GALNT10: variants seen among roughly 807,000 people sequenced by gnomAD.
GALNT10 encodes the protein GalNAc transferase 10.
GALNT10 carries 41 observed loss-of-function variants against 75.0 expected under a neutral mutation model. The ratio of observed to expected loss-of-function variants is 0.55; its 90% confidence interval spans 0.43 to 0.71. The LOEUF (loss-of-function observed/expected upper bound fraction) is 0.71, where lower values mean the gene tolerates loss of function less well. Among genes scored for constraint, GALNT10 ranks in the 30% least tolerant of loss-of-function variants. The probability of loss-of-function intolerance (pLI) is 0.00; values close to 1 mark genes in which losing one functional copy is unlikely to be tolerated. For synonymous variants in GALNT10, 302 were observed against 313.0 expected (o/e 0.96, Z 0.37); for missense variants, 727 against 818.5 (o/e 0.89, Z 1.36).
At chr5:154,380,971 T>C (rs1405103405) in intron 6 of GALNT10, among the ~76,000 whole-genome samples, 3 of 152,172 alleles carry the variant, frequency 2.0e-5, no homozygotes, top group African/African-American at 7.2e-5. Flanking sequence ...AGCCCAGTAC[T>C]AAGCACATTA....
intron 3 of GALNT10, among the ~76,000 whole-genome samples, chr5:154,312,181 T>G (rs184559503): frequency 6.6e-6 from 1 of 152,006 alleles, no homozygotes; most frequent in African/African-American, 2.4e-5. Context: ...AAGATAAGAG[T>G]GATTATCAGT....
chr5:154,334,504 CAA>C (rs940674944), intron 4 of GALNT10, among the ~76,000 whole-genome samples: 1 of 152,252 alleles, frequency 6.6e-6, no homozygotes, highest in African/African-American at 2.4e-5. Flanking sequence ...TGAGGAAAAA[CAA>C]GAGAGGTCTT....
chr5:154,264,973 G>C (rs1303803006), intron 1 of GALNT10, among the ~76,000 whole-genome samples: 1 of 152,138 alleles, frequency 6.6e-6, no homozygotes, highest in Non-Finnish European at 1.5e-5. Flanking sequence ...ACCAGTCAGA[G>C]CTCCCTTCCT....
intron 4 of GALNT10, chr5:154,347,048 C>T (rs529885996): frequency 9.6e-6 from 4 of 418,590 alleles, no homozygotes; most frequent in South Asian, 5.3e-5. Flanking sequence ...AGATCCCAAA[C>T]TTAAACCATC....
intron 1 of GALNT10, among the ~76,000 whole-genome samples, chr5:154,253,839 G>A (rs73802970): frequency 0.17 from 25,443 of 148,890 alleles, 2,268 homozygotes; most frequent in Non-Finnish European, 0.19. Flanking sequence ...CATTGTTCCT[G>A]TCCTGCTCAG....
At chr5:154,357,320 G>C (rs10073999) in intron 4 of GALNT10, among the ~76,000 whole-genome samples, 14,024 of 152,122 alleles carry the variant, frequency 0.092, 892 homozygotes, top group African/African-American at 0.18. Flanking sequence ...CAAGCAACAC[G>C]TCTCTAACTA....
chr5:154,341,650 C>T (rs921891278), intron 4 of GALNT10, among the ~76,000 whole-genome samples: 1 of 152,194 alleles, frequency 6.6e-6, no homozygotes, highest in Non-Finnish European at 1.5e-5. Context: ...TTTGTCTTAA[C>T]CAGGCAAGAG....
chr5:154,301,413 A>G (rs1465258903), intron 3 of GALNT10, among the ~76,000 whole-genome samples: 1 of 152,122 alleles, frequency 6.6e-6, no homozygotes, highest in South Asian at 2.1e-4. Flanking sequence ...TCATGGCTAT[A>G]TAATGATTGT....
intron 1 of GALNT10, among the ~76,000 whole-genome samples, chr5:154,278,065 G>T (rs1396422260): frequency 2.0e-5 from 3 of 152,344 alleles, no homozygotes; most frequent in Admixed American, 1.3e-4. Context: ...GACCAGATGG[G>T]TGACGGATGC....
At chr5:154,282,222 A>G (rs1394984842) in intron 1 of GALNT10, among the ~76,000 whole-genome samples, 2 of 152,200 alleles carry the variant, frequency 1.3e-5, no homozygotes, top group Admixed American at 1.3e-4. Flanking sequence ...TCTCTCCATA[A>G]CAGCATTAAT....
At chr5:154,395,056 A>G (rs2113200124) in intron 7 of GALNT10, among the ~76,000 whole-genome samples, 1 of 152,356 alleles carries the variant, frequency 6.6e-6, no homozygotes, top group South Asian at 2.1e-4. Flanking sequence ...GACGGCTCAA[A>G]GGCCCGAGGG....
At chr5:154,215,312 C>G (rs1225749970) in intron 1 of GALNT10, among the ~76,000 whole-genome samples, 2 of 152,116 alleles carry the variant, frequency 1.3e-5, no homozygotes, top group South Asian at 2.1e-4. Flanking sequence ...GAAACCCCGT[C>G]TCTACTAAAA....
At chr5:154,199,970 GGTAACATATCCAGGGCCAC>G (rs1368315207) in intron 1 of GALNT10, among the ~76,000 whole-genome samples, 1 of 152,200 alleles carries the variant, frequency 6.6e-6, no homozygotes, top group African/African-American at 2.4e-5. Context: ...AGAGAGGTCA[GGTAACATATCCAGGGCCAC>G]GCAGCTAGGA....
At chr5:154,198,790 T>C (rs911405016) in intron 1 of GALNT10, among the ~76,000 whole-genome samples, 1 of 152,208 alleles carries the variant, frequency 6.6e-6, no homozygotes, top group Admixed American at 6.5e-5. Flanking sequence ...TTAGCTCCTC[T>C]GAGCCTTGAT....
chr5:154,217,852 C>T, intron 1 of GALNT10: 2 of 230,480 alleles, frequency 8.7e-6, no homozygotes, highest in Non-Finnish European at 1.4e-5. Flanking sequence ...GTGCCTTGCA[C>T]ATTGTAAGAG....
At chr5:154,294,150 G>A (rs1258479211) in intron 1 of GALNT10, among the ~76,000 whole-genome samples, 1 of 152,106 alleles carries the variant, frequency 6.6e-6, no homozygotes, top group East Asian at 1.9e-4. Flanking sequence ...GACCAACCTG[G>A]GTAACATAGG....
intron 10 of GALNT10, among the ~76,000 whole-genome samples, chr5:154,414,332 A>G (rs1463511329): frequency 6.6e-6 from 1 of 152,230 alleles, no homozygotes; most frequent in Non-Finnish European, 1.5e-5. Context: ...GTTTATTTGT[A>G]ATAGCCAAAA....
At chr5:154,334,925 T>C (rs181303998) in intron 4 of GALNT10, among the ~76,000 whole-genome samples, 2 of 152,358 alleles carry the variant, frequency 1.3e-5, no homozygotes, top group East Asian at 3.9e-4. Context: ...AACTCTGACC[T>C]GCACTCTCAC....
chr5:154,351,342 A>C (rs1234821426), intron 4 of GALNT10, among the ~76,000 whole-genome samples: 1 of 152,220 alleles, frequency 6.6e-6, no homozygotes, highest in Non-Finnish European at 1.5e-5. Flanking sequence ...TCTAGTGTGC[A>C]GCCTTGTGTC....
Sources: allele counts gnomAD v4.1 joint callset (sites outside exome capture counted in the v4.1 genomes callset), GRCh38; gene constraint gnomAD v4.1.1; transcripts MANE v1.5; gene names NCBI Gene and HGNC (gene_info 2026-07-23, HGNC 2026-07-21).